The following MCHR2 variants were observed in gnomAD, a reference collection of about 807,000 sequenced individuals.
The protein encoded by MCHR2 is melanin concentrating hormone receptor 2, also known as melanin-concentrating hormone receptor 2.
Under a neutral mutation model 24.8 loss-of-function variants are expected in MCHR2, and 15 were observed. The ratio of observed to expected loss-of-function variants is 0.60; its 90% CI spans 0.40 to 0.93. The LOEUF is 0.93. Among genes scored for constraint, MCHR2 ranks in the 40% least tolerant of loss-of-function variants. The pLI is 0.00. For missense variants in MCHR2, 386 were observed against 408.7 expected (o/e 0.94, Z 0.48); for synonymous variants, 151 against 147.6 (o/e 1.02, Z -0.17).
chr6:99,924,814 C>A (rs7450231), intron 5 of MCHR2, among the ~76,000 whole-genome samples: 186 of 151,960 alleles, frequency 1.2e-3, no homozygotes, highest in African/African-American at 3.6e-3. Flanking sequence ...GTTTTGTGAC[C>A]TAACATATGT....
At chr6:99,933,567 A>T (rs1202568570) in intron 5 of MCHR2, among the ~76,000 whole-genome samples, 1 of 152,130 alleles carries the variant, frequency 6.6e-6, no homozygotes, top group Non-Finnish European at 1.5e-5. Flanking sequence ...GAGCCAACAG[A>T]CTACTTACAA....
intron 1 of MCHR2, among the ~76,000 whole-genome samples, chr6:99,957,704 A>G (rs1322500332): frequency 6.6e-6 from 1 of 151,974 alleles, no homozygotes; most frequent in East Asian, 1.9e-4. Flanking sequence ...ATATTTCCAT[A>G]TATTTTCTAC....
chr6:99,941,240 C>T (rs1242585837), intron 4 of MCHR2, among the ~76,000 whole-genome samples: 28 of 120,624 alleles, frequency 2.3e-4, no homozygotes, highest in South Asian at 5.8e-4. Context: ...GGCTTGGAGG[C>T]TTTTTTTTTT....
At position 99,919,610 on chromosome 6, in the gene MCHR2, G is replaced by C. The variant is rs1774183555; in HGVS notation, c.*1330C>G. 6.6e-6 allele frequency among the ~76,000 whole-genome samples: 1 copy of C among 152,012 alleles called. No individual in the cohort carries two copies. The highest frequency in any genetic ancestry group is 2.4e-5 in the African/African-American group (1 of 41,414). On this transcript the variant is annotated 3_prime_UTR_variant, in exon 6 of 6. Transcript: ENST00000281806. ...TTTCCTAACTATATATAAGTCTAAA[G>C]AGGAAAGATAGATATAATGAATACC... is the stretch of plus-strand genomic sequence containing the variant.
At chr6:99,968,535 G>T (rs1183275370) in intron 1 of MCHR2, among the ~76,000 whole-genome samples, 1 of 152,050 alleles carries the variant, frequency 6.6e-6, no homozygotes, top group Non-Finnish European at 1.5e-5. Context: ...AAGACTAATG[G>T]AGTTTTTCCT....
At chr6:99,924,539 C>G (rs1252602600) in intron 5 of MCHR2, among the ~76,000 whole-genome samples, 7 of 151,980 alleles carry the variant, frequency 4.6e-5, no homozygotes, top group Non-Finnish European at 1.0e-4. Context: ...TAGGCACTTA[C>G]AGCTATAAAC....
intron 3 of MCHR2, among the ~76,000 whole-genome samples, chr6:99,944,078 A>G (rs1003090412): frequency 6.6e-6 from 1 of 152,220 alleles, no homozygotes; most frequent in Admixed American, 6.5e-5. Flanking sequence ...TATGGCTAGT[A>G]TAGACAATGC....
At position 99,965,027 on chromosome 6, in the gene MCHR2, C is replaced by T. The variant is rs149079049; in HGVS notation, c.-27-8853G>A. 5.2e-3 allele frequency among the ~76,000 whole-genome samples: 793 copies of T among 152,160 alleles called. 10 individuals carry two copies. The highest frequency in any genetic ancestry group is 0.018 in the African/African-American group (747 of 41,518). On this transcript the variant is annotated intron_variant, in intron 1 of 5. Transcript: ENST00000281806. ...ATAACTGCAAATGTCAGATTGTTGG[C>T]CACCTCTGAAGAGAGTAAGTTGTGA...
intron 5 of MCHR2, among the ~76,000 whole-genome samples, chr6:99,926,896 C>T (rs898528991): frequency 6.6e-5 from 10 of 152,298 alleles, no homozygotes; most frequent in Non-Finnish European, 1.0e-4. Flanking sequence ...GTGTTTTAGA[C>T]ATGAAGTCCT....
intron 1 of MCHR2, among the ~76,000 whole-genome samples, chr6:99,965,211 T>C (rs1202324812): frequency 6.6e-6 from 1 of 152,196 alleles, no homozygotes; most frequent in Non-Finnish European, 1.5e-5. Context: ...TTCAAGGCAA[T>C]AATCTAACTC....
At chr6:99,975,430 G>T (rs1775529132) in intron 1 of MCHR2, among the ~76,000 whole-genome samples, 1 of 152,194 alleles carries the variant, frequency 6.6e-6, no homozygotes, top group Admixed American at 6.5e-5. Context: ...GAAAACCGCA[G>T]TATTAGGGTG....
intron 1 of MCHR2, among the ~76,000 whole-genome samples, chr6:99,964,188 T>C (rs1775249774): frequency 6.6e-6 from 1 of 152,138 alleles, no homozygotes; most frequent in Non-Finnish European, 1.5e-5. Flanking sequence ...GATATATCAC[T>C]CTGGAAAACA....
chr6:99,970,074 C>T (rs1273049904), intron 1 of MCHR2, among the ~76,000 whole-genome samples: 1 of 150,172 alleles, frequency 6.7e-6, no homozygotes, highest in Non-Finnish European at 1.5e-5. Flanking sequence ...GGTATATACC[C>T]AGTAATGGGA....
chr6:99,950,376 G>A (rs1266118216), intron 2 of MCHR2, among the ~76,000 whole-genome samples: 1 of 151,866 alleles, frequency 6.6e-6, no homozygotes, highest in Non-Finnish European at 1.5e-5. Flanking sequence ...ATTTCCTGTT[G>A]TCAGACTTCA....
intron 4 of MCHR2, among the ~76,000 whole-genome samples, chr6:99,940,379 A>AT (rs1296504682): frequency 2.0e-5 from 3 of 151,188 alleles, no homozygotes; most frequent in Non-Finnish European, 1.5e-5. Context: ...ATTTTTAGTA[A>AT]CTTTTTCAGT....
intron 5 of MCHR2, among the ~76,000 whole-genome samples, chr6:99,925,672 A>T (rs904157968): frequency 2.0e-5 from 3 of 152,098 alleles, no homozygotes; most frequent in Non-Finnish European, 4.4e-5. Flanking sequence ...AACAAGCAAA[A>T]AGAAAACCAG....
chr6:99,945,840 G>A (rs1366453540), intron 3 of MCHR2, among the ~76,000 whole-genome samples: 10 of 151,994 alleles, frequency 6.6e-5, no homozygotes, highest in Non-Finnish European at 1.5e-4. Context: ...ATGTCCATTG[G>A]ATTAAAACAA....
chr6:99,969,436 T>G, intron 1 of MCHR2, among the ~76,000 whole-genome samples: 1 of 123,810 alleles, frequency 8.1e-6, no homozygotes, highest in Admixed American at 1.0e-4. Context: ...ATCATGCCAT[T>G]GCACTCCAGC....
intron 2 of MCHR2, among the ~76,000 whole-genome samples, chr6:99,952,235 T>C (rs922305113): frequency 6.6e-6 from 1 of 152,158 alleles, no homozygotes; most frequent in East Asian, 1.9e-4. Context: ...GTAAATTTAA[T>C]GTACAACAGA....
Sources: gnomAD v4.1 joint callset for allele counts (sites outside exome capture counted in the v4.1 genomes callset) on GRCh38, gnomAD v4.1.1 for gene constraint, MANE v1.5 for transcripts, NCBI Gene and HGNC (gene_info 2026-07-23, HGNC 2026-07-21) for gene names.